Variants in CFAP97D2 observed in about 807,000 individuals in gnomAD.
CFAP97D2 encodes uncharacterized protein CFAP97D2.
rs902496840 is a variant in CFAP97D2, at chr13:114,185,399, G to A, written c.90+5979G>A. On this transcript the variant is annotated intron_variant, in intron 1 of 4. Coordinates refer to ENST00000646158, the Ensembl canonical transcript of CFAP97D2. The surrounding 1 kb of genome is among the most constrained non-coding windows in gnomAD (Gnocchi z 5.2). ...AGTGGGGACCTGGAACCCCCACCCC[G>A]GCTGTGAGGAGGCATGGCCAGGGCT... Among the ~76,000 whole-genome samples, 10 of 152,152 alleles carry A rather than the reference G, an allele frequency of 6.6e-5. No individual in the cohort carries two copies. The highest frequency in any genetic ancestry group is 2.1e-4 in the South Asian group (1 of 4,830).
chr13:114,184,887 C>T (rs2080849374), intron 1 of CFAP97D2, among the ~76,000 whole-genome samples: 2 of 152,220 alleles, frequency 1.3e-5, no homozygotes. Flanking sequence ...ACCATAATTA[C>T]TGCATGGTGT....
At chr13:114,217,920 C>T (rs1387701289) in intron 4 of CFAP97D2, among the ~76,000 whole-genome samples, 2 of 152,122 alleles carry the variant, frequency 1.3e-5, no homozygotes, top group Non-Finnish European at 2.9e-5. Context: ...GCCAATATCA[C>T]ACTGAATGGG....
chr13:114,188,248 G>T (rs964402466), intron 1 of CFAP97D2, among the ~76,000 whole-genome samples: 6 of 150,394 alleles, frequency 4.0e-5, no homozygotes, highest in African/African-American at 1.5e-4. Context: ...CTCCAGCCTG[G>T]GTGACAGAGT....
At chr13:114,200,396 G>A (rs2080912036) in exon 3 of CFAP97D2, 4 of 398,588 alleles carry the variant, frequency 1.0e-5, no homozygotes, top group East Asian at 7.1e-5. Flanking sequence ...CCTCTGTCAT[G>A]AGGACCAGGG....
At chr13:114,204,547 T>G (rs1471794881) in intron 3 of CFAP97D2, among the ~76,000 whole-genome samples, 1 of 152,190 alleles carries the variant, frequency 6.6e-6, no homozygotes, top group Non-Finnish European at 1.5e-5. Flanking sequence ...ATAATCAATG[T>G]ATTTTCAACA....
At chr13:114,221,892 T>C (rs1043293994) in intron 4 of CFAP97D2, among the ~76,000 whole-genome samples, 3 of 152,178 alleles carry the variant, frequency 2.0e-5, no homozygotes, top group African/African-American at 7.2e-5. Context: ...CATACATTCA[T>C]GCAAAAACCC....
intron 1 of CFAP97D2, among the ~76,000 whole-genome samples, chr13:114,195,272 T>C (rs140092536): frequency 2.0e-5 from 3 of 152,374 alleles, no homozygotes; most frequent in East Asian, 1.9e-4. Context: ...CCTCTGCCTC[T>C]ATTTTCAATG....
chr13:114,201,163 G>T (rs930101189), intron 3 of CFAP97D2, among the ~76,000 whole-genome samples: 1 of 152,082 alleles, frequency 6.6e-6, no homozygotes, highest in African/African-American at 2.4e-5. Flanking sequence ...TCTTGTCTAA[G>T]GTCAATAACC....
intron 4 of CFAP97D2, among the ~76,000 whole-genome samples, chr13:114,221,924 C>CA (rs2081024231): frequency 6.6e-6 from 1 of 152,182 alleles, no homozygotes; most frequent in Admixed American, 6.5e-5. Flanking sequence ...TTCATAGCAG[C>CA]ACAGTTCACA....
Position 114,186,736 on chromosome 13 carries a change from A to G in CFAP97D2, c.90+7316A>G, listed in dbSNP as rs2080854235. On this transcript the variant is annotated intron_variant, in intron 1 of 4. Transcript: ENST00000646158. This position sits in a 1 kb window ranked among gnomAD's most constrained non-coding sequence, Gnocchi z 4.3. ...ATGCCTGGTCCAGGCACAGCCTCGC[A>G]GTGAGCCAGCACCCATGCTGGCACC... Among the ~76,000 whole-genome samples the G allele has an allele frequency of 6.6e-6, 1 of 152,236 alleles. No homozygotes were observed. The highest frequency in any genetic ancestry group is 1.5e-5 in the Non-Finnish European group (1 of 68,036).
intron 3 of CFAP97D2, among the ~76,000 whole-genome samples, chr13:114,202,892 A>AAC (rs574229448): frequency 7.9e-5 from 12 of 151,874 alleles, no homozygotes; most frequent in Admixed American, 3.9e-4. Flanking sequence ...GTGTCCCTCC[A>AAC]ACACACACAC....
chr13:114,182,168 A>ATT (rs2080835774), intron 1 of CFAP97D2, among the ~76,000 whole-genome samples: 2 of 127,032 alleles, frequency 1.6e-5, no homozygotes, highest in East Asian at 4.8e-4. Context: ...AGGTCAGCAA[A>ATT]AAACGTGAGC....
intron 4 of CFAP97D2, among the ~76,000 whole-genome samples, chr13:114,215,156 C>A (rs1239920516): frequency 6.6e-6 from 1 of 152,160 alleles, no homozygotes; most frequent in Non-Finnish European, 1.5e-5. Flanking sequence ...TTAAAGTGGT[C>A]CCAAAGTGTC....
rs2080851185 is a variant in CFAP97D2, at chr13:114,185,526, C to T, written c.90+6106C>T. Among the ~76,000 whole-genome samples the T allele has an allele frequency of 6.6e-6, 1 of 152,230 alleles. No homozygotes were observed. The highest frequency in any genetic ancestry group is 1.5e-5 in the Non-Finnish European group (1 of 68,038). ...CCTGGGTACAGCTGCAGCCACCTGG[C>T]CATGGCTGCGGACCCAGGCATGTGT... On this transcript the variant is annotated intron_variant, in intron 1 of 4. Transcript: ENST00000646158. This position sits in a 1 kb window ranked among gnomAD's most constrained non-coding sequence, Gnocchi z 5.2.
intron 4 of CFAP97D2, chr13:114,212,319 G>A (rs1221242927): frequency 2.7e-6 from 1 of 368,866 alleles, no homozygotes; most frequent in Non-Finnish European, 4.8e-6. Context: ...ATTTGTTCAC[G>A]AAGTTGAGGA....
intron 1 of CFAP97D2, among the ~76,000 whole-genome samples, chr13:114,182,226 G>C (rs572330627): frequency 0.012 from 1,860 of 150,596 alleles, 73 homozygotes; most frequent in African/African-American, 0.041. Flanking sequence ...ACTATGCCTG[G>C]ATGTGCACGT....
At chr13:114,200,408 A>G in exon 3 of CFAP97D2, 1 of 398,640 alleles carries the variant, frequency 2.5e-6, no homozygotes, top group Admixed American at 4.4e-5. Flanking sequence ...GGACCAGGGG[A>G]CAGACTGACA....
Position 114,207,636 on chromosome 13 carries a change from C to T in CFAP97D2, c.291-4276C>T, listed in dbSNP as rs1421365321. Among the ~76,000 whole-genome samples, 3 of 152,206 alleles carry T rather than the reference C, an allele frequency of 2.0e-5. No individual in the cohort carries two copies. The highest frequency in any genetic ancestry group is 7.2e-5 in the African/African-American group (3 of 41,446). ...GTGGCTGTGAATACAGATGAAGCTT[C>T]GCTCCCTCGCCTGCTGCTCACCTCC... is the stretch of plus-strand genomic sequence containing the variant. On this transcript the variant is annotated intron_variant, in intron 3 of 4. Coordinates refer to ENST00000646158, the Ensembl canonical transcript of CFAP97D2. The surrounding 1 kb of genome is among the most constrained non-coding windows in gnomAD (Gnocchi z 4.9).
At chr13:114,218,834 C>T (rs1215325039) in intron 4 of CFAP97D2, among the ~76,000 whole-genome samples, 2 of 152,148 alleles carry the variant, frequency 1.3e-5, no homozygotes, top group Admixed American at 6.5e-5. Context: ...ATGTAGAAAG[C>T]TGAAATTGGA....
Sources: gnomAD v4.1 joint callset for allele counts (sites outside exome capture counted in the v4.1 genomes callset) on GRCh38, gnomAD v4.1.1 for gene constraint, Gnocchi (gnomAD v3.1) non-coding constraint, MANE v1.5 for transcripts, NCBI Gene and HGNC (gene_info 2026-07-23, HGNC 2026-07-21) for gene names.